STK39: variants seen among roughly 807,000 people sequenced by gnomAD.
The protein encoded by STK39 is STE20/SPS1-related proline-alanine-rich protein kinase.
A neutral mutation model predicts 77.8 loss-of-function variants in STK39; 20 were observed. That is an observed-to-expected ratio of 0.26 (90% CI 0.18 to 0.37). The LOEUF (loss-of-function observed/expected upper bound fraction) is 0.37, where lower values mean the gene tolerates loss of function less well. STK39 is among the 10% of genes least tolerant of loss of function. STK39 has a pLI of 1.00. For missense variants in STK39, 479 were observed against 656.5 expected (o/e 0.73, Z 2.95); for synonymous variants, 246 against 234.1 (o/e 1.05, Z -0.47).
intron 16 of STK39, among the ~76,000 whole-genome samples, chr2:167,966,518 C>G (rs1431725193): frequency 6.6e-6 from 1 of 152,170 alleles, no homozygotes; most frequent in Non-Finnish European, 1.5e-5. Context: ...TGATTTACTG[C>G]CTTGTTCTGG....
At chr2:168,145,971 CAG>C (rs1301268259) in intron 5 of STK39, among the ~76,000 whole-genome samples, 1 of 152,124 alleles carries the variant, frequency 6.6e-6, no homozygotes, top group East Asian at 1.9e-4. Flanking sequence ...TTCTTAGCAC[CAG>C]AGAGTGGCTA....
intron 16 of STK39, among the ~76,000 whole-genome samples, chr2:167,996,338 T>C (rs1448832): frequency 0.56 from 85,036 of 152,126 alleles, 24,841 homozygotes; most frequent in African/African-American, 0.67. Flanking sequence ...TAAAGCATCC[T>C]GGTTATTTTT....
chr2:168,217,547 T>C (rs962291023), intron 1 of STK39, among the ~76,000 whole-genome samples: 7 of 152,146 alleles, frequency 4.6e-5, no homozygotes, highest in African/African-American at 1.7e-4. Flanking sequence ...GATATACAGT[T>C]GCCCCTCAGT....
intron 10 of STK39, among the ~76,000 whole-genome samples, chr2:168,114,668 G>A (rs1433150496): frequency 6.6e-6 from 1 of 152,178 alleles, no homozygotes; most frequent in East Asian, 1.9e-4. Flanking sequence ...AACTCTAAAA[G>A]TTATGAATGG....
chr2:168,115,463 G>A (rs1687234571), intron 10 of STK39, among the ~76,000 whole-genome samples: 1 of 152,096 alleles, frequency 6.6e-6, no homozygotes, highest in Admixed American at 6.6e-5. Context: ...CTAGGAAATA[G>A]ACTAACAAAA....
intron 13 of STK39, among the ~76,000 whole-genome samples, chr2:168,064,241 G>C (rs950285697): frequency 6.6e-6 from 1 of 152,162 alleles, no homozygotes; most frequent in Non-Finnish European, 1.5e-5. Flanking sequence ...ATGAAAGTGA[G>C]TCATAAAATG....
intron 10 of STK39, among the ~76,000 whole-genome samples, chr2:168,122,991 T>C (rs949181106): frequency 6.6e-6 from 1 of 152,228 alleles, no homozygotes; most frequent in African/African-American, 2.4e-5. Flanking sequence ...ACCTTATGCA[T>C]ATGATCAAAG....
chr2:168,144,944 G>A (rs1688095705), intron 5 of STK39, among the ~76,000 whole-genome samples: 1 of 149,450 alleles, frequency 6.7e-6, no homozygotes, highest in African/African-American at 2.5e-5. Flanking sequence ...TCATGCCACT[G>A]CACTCCAGTC....
chr2:168,208,772 G>A (rs541418074), intron 1 of STK39, among the ~76,000 whole-genome samples: 4 of 152,310 alleles, frequency 2.6e-5, no homozygotes, highest in South Asian at 2.1e-4. Flanking sequence ...TCACTGAGGC[G>A]GGGAAGCCCC....
chr2:168,047,725 C>T (rs1033448349), intron 14 of STK39, among the ~76,000 whole-genome samples: 1 of 152,192 alleles, frequency 6.6e-6, no homozygotes, highest in Admixed American at 6.5e-5. Context: ...CTCCCCAGGG[C>T]CCTCTGTGTC....
At chr2:168,007,714 C>T (rs1684166838) in intron 16 of STK39, among the ~76,000 whole-genome samples, 1 of 151,934 alleles carries the variant, frequency 6.6e-6, no homozygotes, top group Non-Finnish European at 1.5e-5. Context: ...AGAGCAAGTT[C>T]AACAGCCGGG....
chr2:168,207,625 A>G (rs897351928), intron 1 of STK39, among the ~76,000 whole-genome samples: 36 of 152,228 alleles, frequency 2.4e-4, no homozygotes, highest in African/African-American at 8.4e-4. Context: ...AGCCTTGGTG[A>G]AATACAAAAA....
chr2:167,982,530 G>A (rs986745388), intron 16 of STK39, among the ~76,000 whole-genome samples: 3 of 152,160 alleles, frequency 2.0e-5, no homozygotes, highest in Non-Finnish European at 4.4e-5. Flanking sequence ...ATATCACTCT[G>A]CAAGAGGTGC....
At chr2:167,971,444 T>G (rs1692342734) in intron 16 of STK39, among the ~76,000 whole-genome samples, 1 of 152,196 alleles carries the variant, frequency 6.6e-6, no homozygotes, top group Non-Finnish European at 1.5e-5. Flanking sequence ...CTTTGTTTCA[T>G]TTTTCTTCTG....
At chr2:168,209,461 G>C (rs1288692224) in intron 1 of STK39, among the ~76,000 whole-genome samples, 1 of 150,452 alleles carries the variant, frequency 6.6e-6, no homozygotes, top group Non-Finnish European at 1.5e-5. Flanking sequence ...CAGATCCCCT[G>C]AGGTCAGGAG....
intron 10 of STK39, among the ~76,000 whole-genome samples, chr2:168,127,673 T>A (rs571747685): frequency 3.5e-4 from 53 of 152,344 alleles, no homozygotes; most frequent in Non-Finnish European, 5.7e-4. Context: ...TTTAAATTTC[T>A]ATTTTTTCAT....
At chr2:168,230,782 C>G (rs959710928) in intron 1 of STK39, among the ~76,000 whole-genome samples, 1 of 129,470 alleles carries the variant, frequency 7.7e-6, no homozygotes, top group East Asian at 3.0e-4. Flanking sequence ...TACACTCTCC[C>G]TATCAAGTCC....
chr2:168,224,007 T>C (rs765334128), intron 1 of STK39, among the ~76,000 whole-genome samples: 1 of 152,126 alleles, frequency 6.6e-6, no homozygotes, highest in African/African-American at 2.4e-5. Flanking sequence ...TTTTCTTTTG[T>C]CATGTATTAC....
Position 168,113,267 on chromosome 2 carries a change from A to G in STK39, c.1089+16274T>C, listed in dbSNP as rs1687167996. Among the ~76,000 whole-genome samples the G allele has an allele frequency of 2.0e-5, 3 of 152,194 alleles. No individual in the cohort carries two copies. In the South Asian group the frequency reaches 6.2e-4, roughly 32 times the overall value. On this transcript the variant is annotated intron_variant, in intron 10 of 17. Coordinates refer to ENST00000355999, the MANE Select transcript of STK39 (RefSeq NM_013233.3). ...AATGGTAAATGAGTGCCACATTAAT[A>G]ATGCTAGTAAAGTCAGAGCTCTCTG...
Sources: gnomAD v4.1 joint callset for allele counts (sites outside exome capture counted in the v4.1 genomes callset) on GRCh38, gnomAD v4.1.1 for gene constraint, MANE v1.5 for transcripts, NCBI Gene and HGNC (gene_info 2026-07-23, HGNC 2026-07-21) for gene names.